Variants in CHSY3 observed in about 807,000 individuals in gnomAD.
CHSY3 encodes the protein N-acetylgalactosaminyl-proteoglycan 3-beta-glucuronosyltransferase 3.
In CHSY3, 35 loss-of-function variants were observed where a neutral mutation model predicts 67.2. The observed-to-expected ratio is 0.52, with a 90% CI of 0.40 to 0.69. The LOEUF is 0.69. CHSY3 is among the 30% of genes least tolerant of loss of function. CHSY3 has a pLI of 0.00. For missense variants in CHSY3, 1,069 were observed against 1,138.5 expected, an observed-to-expected ratio of 0.94 and a Z score of 0.88; for synonymous variants, 474 against 434.7, an observed-to-expected ratio of 1.09 and a Z score of -1.12.
intron 2 of CHSY3, among the ~76,000 whole-genome samples, chr5:130,034,033 A>G (rs929998647): frequency 6.6e-6 from 1 of 152,154 alleles, no homozygotes; most frequent in Non-Finnish European, 1.5e-5. Flanking sequence ...TGCGAATAAC[A>G]TCTTCTTAAA....
In CHSY3 at chr5:130,021,115, A is replaced by G. The variant is rs541541448; in HGVS notation, c.1086+112755A>G. The stretch of plus-strand genomic sequence containing the variant: ...GTTATATTACCAATATTTATGTAGC[A>G]TCTTCTCTCATATTTTTTATCATAT... On this transcript the variant is annotated intron_variant, in intron 2 of 2. Transcript: ENST00000305031. Among the ~76,000 whole-genome samples the G allele has an allele frequency of 4.6e-5, 7 of 152,274 alleles. No homozygotes were observed. In the South Asian group the frequency reaches 1.5e-3, roughly 32 times the overall value.
At chr5:130,025,965 G>C (rs759302535) in intron 2 of CHSY3, among the ~76,000 whole-genome samples, 3 of 152,116 alleles carry the variant, frequency 2.0e-5, no homozygotes, top group Non-Finnish European at 4.4e-5. Flanking sequence ...AACAAGAAGA[G>C]GCCAGTTTTA....
At chr5:130,086,545 A>T (rs1042443458) in intron 2 of CHSY3, among the ~76,000 whole-genome samples, 1 of 151,936 alleles carries the variant, frequency 6.6e-6, no homozygotes, top group Admixed American at 6.6e-5. Flanking sequence ...CACACCACCA[A>T]TCCCACAGAA....
chr5:130,141,651 C>G, intron 2 of CHSY3: 2 of 525,752 alleles, frequency 3.8e-6, no homozygotes, highest in Non-Finnish European at 7.5e-6. Flanking sequence ...CAGTTGAAAG[C>G]TATGCATTCG....
In CHSY3 at chr5:129,975,548, G is replaced by T. The variant is rs183288094; in HGVS notation, c.1086+67188G>T. ...TATCTCTGGAAATTTGACTAAGATG[G>T]TCAAATATAAAACTTAAATAGAAAG... On this transcript the variant is annotated intron_variant, in intron 2 of 2. Coordinates refer to ENST00000305031, the MANE Select transcript of CHSY3 (RefSeq NM_175856.5). Among the ~76,000 whole-genome samples, 663 of 152,092 alleles carry T rather than the reference G, an allele frequency of 4.4e-3. 4 individuals carry two copies. Among genetic ancestry groups the T allele is most frequent in the Non-Finnish European group, 6.0e-3 (409 of 67,964 alleles).
intron 2 of CHSY3, among the ~76,000 whole-genome samples, chr5:129,937,739 C>T (rs1761549382): frequency 6.6e-6 from 1 of 152,158 alleles, no homozygotes; most frequent in South Asian, 2.1e-4. Flanking sequence ...AAAGGGGCTA[C>T]AGGCCCCATG....
chr5:130,001,857 TA>T, intron 2 of CHSY3: 1 of 907,488 alleles, frequency 1.1e-6, no homozygotes, highest in Non-Finnish European at 1.3e-6. Context: ...TTTAACCCAC[TA>T]ATATAATCCT....
At chr5:129,991,648 A>G (rs1053588102) in intron 2 of CHSY3, among the ~76,000 whole-genome samples, 3 of 152,140 alleles carry the variant, frequency 2.0e-5, no homozygotes, top group African/African-American at 7.2e-5. Flanking sequence ...TTCAAATTCT[A>G]TAAGTAATGT....
intron 2 of CHSY3, among the ~76,000 whole-genome samples, chr5:130,028,043 C>T (rs910201017): frequency 6.6e-6 from 1 of 152,118 alleles, no homozygotes; most frequent in Non-Finnish European, 1.5e-5. Flanking sequence ...TGAGGAATCA[C>T]CACACTGTCT....
chr5:129,920,270 G>GGC (rs1760875938), intron 2 of CHSY3, among the ~76,000 whole-genome samples: 1 of 152,162 alleles, frequency 6.6e-6, no homozygotes, highest in Non-Finnish European at 1.5e-5. Flanking sequence ...TTGAGACAGA[G>GGC]TCTTACTCTG....
At chr5:130,143,792 A>AG (rs1768971891) in intron 2 of CHSY3, among the ~76,000 whole-genome samples, 2 of 88,278 alleles carry the variant, frequency 2.3e-5, no homozygotes, top group South Asian at 8.9e-4. Context: ...GTGTATATAT[A>AG]TATATATATA....
intron 2 of CHSY3, among the ~76,000 whole-genome samples, chr5:130,057,024 C>T (rs747163601): frequency 3.4e-5 from 5 of 147,884 alleles, no homozygotes; most frequent in Non-Finnish European, 7.4e-5. Context: ...CCCGGGTTCA[C>T]GCCATTCTGC....
At chr5:130,111,405 C>G (rs1349299997) in intron 2 of CHSY3, among the ~76,000 whole-genome samples, 2 of 151,960 alleles carry the variant, frequency 1.3e-5, no homozygotes, top group African/African-American at 4.8e-5. Context: ...TATCCTAAGT[C>G]CTCAGATTCA....
At chr5:129,931,568 A>G (rs1035051536) in intron 2 of CHSY3, among the ~76,000 whole-genome samples, 1 of 152,196 alleles carries the variant, frequency 6.6e-6, no homozygotes, top group Non-Finnish European at 1.5e-5. Context: ...ACTTGGCCAC[A>G]GTGGCTTTTG....
At chr5:130,089,469 TTGC>T (rs1296974315) in intron 2 of CHSY3, among the ~76,000 whole-genome samples, 3 of 152,132 alleles carry the variant, frequency 2.0e-5, no homozygotes, top group African/African-American at 7.2e-5. Context: ...ACCAAAGAAT[TTGC>T]TGCTTTCAAG....
intron 2 of CHSY3, among the ~76,000 whole-genome samples, chr5:130,060,183 T>G (rs967793480): frequency 6.6e-6 from 1 of 152,068 alleles, no homozygotes; most frequent in Admixed American, 6.6e-5. Context: ...ACTACCAAAC[T>G]GAATCCAAAA....
intron 2 of CHSY3, chr5:130,140,626 C>T (rs1370304407): frequency 2.0e-5 from 8 of 409,862 alleles, no homozygotes; most frequent in Admixed American, 8.6e-5. Flanking sequence ...TGGGAGATGG[C>T]ACTTTTGATG....
chr5:129,963,899 T>G (rs1762402892), intron 2 of CHSY3, among the ~76,000 whole-genome samples: 1 of 151,914 alleles, frequency 6.6e-6, no homozygotes. Context: ...TGTGTAGGTG[T>G]GTACATGTAT....
chr5:130,168,232 TG>T (rs1203136158), intron 2 of CHSY3, among the ~76,000 whole-genome samples: 2 of 152,106 alleles, frequency 1.3e-5, no homozygotes, highest in Non-Finnish European at 2.9e-5. Flanking sequence ...TCATTTACTG[TG>T]GTCTCTCAGC....
Sources: allele counts gnomAD v4.1 joint callset (sites outside exome capture counted in the v4.1 genomes callset), GRCh38; gene constraint gnomAD v4.1.1; transcripts MANE v1.5; gene names NCBI Gene and HGNC (gene_info 2026-07-23, HGNC 2026-07-21).